Variants in DPYSL4 observed in about 807,000 individuals in gnomAD.
The protein encoded by DPYSL4 is dihydropyrimidinase like 4, also known as dihydropyrimidinase-related protein 4.
DPYSL4 carries 43 observed loss-of-function variants against 63.4 expected under a neutral mutation model. The ratio of observed to expected loss-of-function variants is 0.68; its 90% confidence interval spans 0.53 to 0.88. The LOEUF is 0.88. DPYSL4 is among the 40% of genes least tolerant of loss of function. DPYSL4 has a pLI of 0.00. For synonymous variants in DPYSL4, 353 were observed against 331.7 expected (o/e 1.06, Z -0.70); for missense variants, 733 against 819.5 (o/e 0.89, Z 1.29).
intron 1 of DPYSL4, among the ~76,000 whole-genome samples, chr10:132,187,331 GCCCGGCCCGGC>G (rs1285212311): frequency 1.5e-5 from 1 of 68,846 alleles, no homozygotes; most frequent in East Asian, 1.8e-3. Flanking sequence ...CCCAGGCCCG[GCCCGGCCCGGC>G]CCTGCCCGGC....
intron 1 of DPYSL4, among the ~76,000 whole-genome samples, chr10:132,190,040 C>T (rs1259187185): frequency 3.9e-5 from 6 of 152,252 alleles, no homozygotes; most frequent in African/African-American, 7.2e-5. Flanking sequence ...CTGGAACGCT[C>T]GCCATGTCTG....
chr10:132,200,539 G>C (rs1009777919), intron 9 of DPYSL4, 27 bp downstream of exon 9: 1 of 1,610,766 alleles, frequency 6.2e-7, no homozygotes, highest in Non-Finnish European at 8.5e-7. Flanking sequence ...GGTGGCCCCA[G>C]GTTGGCCGCC....
intron 10 of DPYSL4, 68 bp from the exon 11 acceptor site, chr10:132,201,878 G>A: frequency 1.3e-6 from 2 of 1,524,128 alleles, no homozygotes; most frequent in Admixed American, 1.8e-5. Flanking sequence ...GTGGCCCAGT[G>A]TCTGTCCTCG....
chr10:132,196,818 T>C, intron 4 of DPYSL4, 43 bp from the exon 5 acceptor site: 1 of 1,609,452 alleles, frequency 6.2e-7, no homozygotes, highest in Non-Finnish European at 8.5e-7. Flanking sequence ...GTAGGTTGTC[T>C]GACTGGTGAT....
chr10:132,194,723 C>T (rs2061919340), intron 3 of DPYSL4, 122 bp from the exon 4 acceptor site: 1 of 1,302,640 alleles, frequency 7.7e-7, no homozygotes, highest in Admixed American at 2.0e-5. Context: ...GTGGCCTCTG[C>T]TGTGTCTCCC....
At chr10:132,190,148 G>A (rs558374650) in intron 1 of DPYSL4, among the ~76,000 whole-genome samples, 3 of 152,366 alleles carry the variant, frequency 2.0e-5, no homozygotes, top group East Asian at 3.9e-4. Context: ...CTGCGCATTC[G>A]TCACCGACTG....
chr10:132,190,393 C>T (rs1444663925), intron 1 of DPYSL4, among the ~76,000 whole-genome samples: 1 of 152,250 alleles, frequency 6.6e-6, no homozygotes, highest in Admixed American at 6.5e-5. Flanking sequence ...CACAGGAGGC[C>T]ATGAGGCAGC....
chr10:132,189,571 G>C lies in DPYSL4; in HGVS notation c.40-1176G>C, dbSNP rs562166752. On this transcript the variant is annotated intron_variant, in intron 1 of 13. Coordinates refer to ENST00000338492, the MANE Select transcript of DPYSL4 (RefSeq NM_006426.3). The stretch of plus-strand genomic sequence containing the variant: ...ACGCTCTGTGTCCCACTGGGAGTGC[G>C]TCCGAGCTGCACTGGAACCGAGGTC... Among the ~76,000 whole-genome samples, 16 of 151,168 alleles carry C rather than the reference G, an allele frequency of 1.1e-4. No individual in the cohort carries two copies. The East Asian group carries it at 3.1e-3, about 29-fold the overall frequency.
chr10:132,198,313 C>A, intron 6 of DPYSL4, 102 bp from the exon 7 acceptor site: 2 of 1,177,358 alleles, frequency 1.7e-6, no homozygotes, highest in South Asian at 1.4e-5. Context: ...GCCTGGGGGT[C>A]CAGGACCACT....
At chr10:132,198,133 T>G (rs1242692363) in intron 6 of DPYSL4, among the ~76,000 whole-genome samples, 1 of 152,070 alleles carries the variant, frequency 6.6e-6, no homozygotes, top group African/African-American at 2.4e-5. Flanking sequence ...GGCATAGTGG[T>G]GGGAGGGTGG....
At chr10:132,188,663 C>T (rs1398891460) in intron 1 of DPYSL4, among the ~76,000 whole-genome samples, 1 of 152,246 alleles carries the variant, frequency 6.6e-6, no homozygotes, top group Admixed American at 6.5e-5. Context: ...ATGTTGTCAG[C>T]TTTGCGGACC....
intron 3 of DPYSL4, 105 bp from the exon 4 acceptor site, chr10:132,194,740 G>T: frequency 6.9e-7 from 1 of 1,444,040 alleles, no homozygotes; most frequent in Non-Finnish European, 9.5e-7. Context: ...TCCCTCAAAT[G>T]GTCCTCTGGT....
chr10:132,188,108 A>C lies in DPYSL4; in HGVS notation c.39+1006A>C, dbSNP rs115950423. Among the ~76,000 whole-genome samples, 714 of 152,144 alleles carry C rather than the reference A, an allele frequency of 4.7e-3. 4 individuals are homozygous for C. Among genetic ancestry groups the C allele is most frequent in the African/African-American group, 0.016 (679 of 41,512 alleles). On this transcript the variant is annotated intron_variant, in intron 1 of 13. Transcript: ENST00000338492. ...TTCTGCCCGGCTGGGTCTGGTCTTG[A>C]TGCAGGAGGTCTTGCCAGTCAGCTG... is the stretch of plus-strand genomic sequence containing the variant.
intron 7 of DPYSL4, 142 bp downstream of exon 7, chr10:132,198,625 C>A: frequency 9.4e-7 from 1 of 1,063,580 alleles, no homozygotes; most frequent in Non-Finnish European, 1.3e-6. Context: ...TGAATCCTCC[C>A]CGTGCCAGGC....
rs1399592064 is a variant in DPYSL4 at position 132,203,815 on chromosome 10, G to A, written c.1515G>A (p.Glu505=). The A allele has an allele frequency of 1.2e-6, 2 of 1,612,574 alleles. No homozygotes were observed. The highest frequency in any genetic ancestry group is 1.7e-6 in the Non-Finnish European group (2 of 1,179,760). ...PRGLYDGPVH[E]VMVPAKPGSG... ...GACTGTATGACGGGCCCGTCCACGA[G>A]GTGATGGTGCCTGCCAAGCCAGGGA... Residue 505 remains glutamate, a synonymous_variant, in exon 13 of 14, where the codon GAG becomes GAA. Transcript: ENST00000338492.
rs780855206 is a variant in DPYSL4 at position 132,204,865 on chromosome 10, C to T, written c.1654C>T (p.Arg552Ter). ...GTCTCAGGCTGATGACCACATCGCC[C>T]GACGCACAGCACAGAAGATCATGGC... ...SGSQADDHIA[R>*]RTAQKIMAPP... The change falls in exon 14 of 14, where the codon CGA becomes TGA. Residue 552 changes from arginine (R) to a stop codon, truncating the protein, a stop_gained. Transcript: ENST00000338492. LOFTEE classifies it high-confidence loss of function. The T allele has an allele frequency of 1.2e-6, 2 of 1,612,522 alleles. No individual in the cohort carries two copies. Among genetic ancestry groups the T allele is most frequent in the Non-Finnish European group, 8.5e-7 (1 of 1,179,254 alleles).
Position 132,198,315 on chromosome 10 carries a change from A to C in DPYSL4, c.622-100A>C. Reference sequence around the variant, plus strand: ...GAAATTCTGGGAGGCCTGGGGGTCCAGGACCACTTGGGGAATGGGGCCTCC... The same window carrying C: ...GAAATTCTGGGAGGCCTGGGGGTCCCGGACCACTTGGGGAATGGGGCCTCC... On this transcript the variant is annotated intron_variant, in intron 6 of 13. Transcript: ENST00000338492. The C allele has an allele frequency of 3.3e-6, 4 of 1,212,742 alleles. No homozygotes were observed. The Middle Eastern group carries it at 7.6e-4, about 229-fold the overall frequency. The allele number at this position is 1,212,742 out of a possible 1,614,324, so 75.1% of individuals were successfully genotyped here. A position where few individuals can be genotyped will look rare whatever the true frequency, so the allele number is the denominator to read the frequency against.
Position 132,190,754 on chromosome 10 carries a change from G to A in DPYSL4, c.47G>A (p.Arg16His), listed in dbSNP as rs770789966. 2.5e-5 allele frequency: 41 copies of A among 1,612,906 alleles called. No individual in the cohort carries two copies. The highest frequency in any genetic ancestry group is 1.8e-4 in the Admixed American group (11 of 60,002). The change falls in exon 2 of 14, where the codon CGC (arginine) becomes CAC (histidine). Residue 16 changes from arginine (R) to histidine (H), a missense_variant. Coordinates refer to ENST00000338492, the MANE Select transcript of DPYSL4 (RefSeq NM_006426.3). ...CTTTGTTGTTCCCGATAGAGTGACC[G>A]CCTTCTGATCAGAGGTGGGAGGATC... Reference protein sequence around the residue: ...KKSIPRITSDRLLIRGGRIVN... With the variant: ...KKSIPRITSDHLLIRGGRIVN...
rs375959242 is a variant in DPYSL4, at chr10:132,204,977, G to C, written c.*47G>C. ...AGCCGTGCTGGCCCCACCCGAGGCC[G>C]CGGGGGCCCCAGGGCACTCGCCCCC... On this transcript the variant is annotated 3_prime_UTR_variant, in exon 14 of 14. Transcript: ENST00000338492. 1 of 1,520,524 alleles carries C rather than the reference G, an allele frequency of 6.6e-7. No individual in the cohort carries two copies. The highest frequency in any genetic ancestry group is 8.9e-7 in the Non-Finnish European group (1 of 1,124,048). 94.2% of individuals were successfully genotyped at this position (1,520,524 alleles called of 1,614,324 possible).
Sources: gnomAD v4.1 joint callset for allele counts (sites outside exome capture counted in the v4.1 genomes callset) on GRCh38, gnomAD v4.1.1 for gene constraint, MANE v1.5 for transcripts, NCBI Gene and HGNC (gene_info 2026-07-23, HGNC 2026-07-21) for gene names.